ADAM28: variants seen among roughly 807,000 people sequenced by gnomAD.
The protein encoded by ADAM28 is disintegrin and metalloproteinase domain-containing protein 28.
A neutral mutation model predicts 101.2 loss-of-function variants in ADAM28; 105 were observed. The observed-to-expected ratio is 1.04, with a 90% CI of 0.89 to 1.22. The LOEUF (loss-of-function observed/expected upper bound fraction) is 1.22. Ranked by LOEUF, ADAM28 falls within the 50% of genes most tolerant of loss-of-function variation. The pLI is 0.00. For synonymous variants in ADAM28, 322 were observed against 310.6 expected, an observed-to-expected ratio of 1.04 and a Z score of -0.39; for missense variants, 1,028 against 945.4, an observed-to-expected ratio of 1.09 and a Z score of -1.15.
chr8:24,351,317 T>G lies in ADAM28; in HGVS notation c.2178+7T>G. ...GGCTGTTCAACCCCAAGAGGTGAAC[T>G]ATATAGTCTGGGCTGTGATTACCAT... On this transcript the variant is annotated splice_region_variant and intron_variant, in intron 20 of 22. Transcript: ENST00000265769. 2 of 1,612,714 alleles carry G rather than the reference T, an allele frequency of 1.2e-6. No individual in the cohort carries two copies. The highest frequency in any genetic ancestry group is 2.2e-5 in the South Asian group (2 of 91,064).
In ADAM28 at chr8:24,313,356, G is replaced by A. The variant is rs764699916; in HGVS notation, c.384-32G>A. On this transcript the variant is annotated intron_variant, in intron 5 of 22. Transcript: ENST00000265769. ...GTATGAACCTAATGCAACAATATTT[G>A]TTAAGAAGCCAGAACTCTCATGTTT... 11 of 1,570,040 alleles carry A rather than the reference G, an allele frequency of 7.0e-6. No homozygotes were observed. The Admixed American group carries it at 7.5e-5, about 11-fold the overall frequency.
chr8:24,298,504 G>A (rs1377765901), intron 1 of ADAM28, among the ~76,000 whole-genome samples: 1 of 152,116 alleles, frequency 6.6e-6, no homozygotes, highest in East Asian at 1.9e-4. Flanking sequence ...AGTGACTGGA[G>A]TAAGTGCACA....
intron 11 of ADAM28, 106 bp downstream of exon 11, chr8:24,330,221 T>G: frequency 7.3e-7 from 1 of 1,371,408 alleles, no homozygotes; most frequent in Non-Finnish European, 9.8e-7. Flanking sequence ...AGTTTTTGAG[T>G]CACTAAATGT....
intron 6 of ADAM28, among the ~76,000 whole-genome samples, chr8:24,315,333 A>G (rs1811023474): frequency 6.6e-6 from 1 of 152,002 alleles, no homozygotes; most frequent in Non-Finnish European, 1.5e-5. Context: ...TGGAGATATT[A>G]CAAAAGATGT....
In ADAM28 at chr8:24,311,341, C is replaced by T; in HGVS notation, c.307-20C>T. 1.3e-6 allele frequency: 2 copies of T among 1,597,054 alleles called. No homozygotes were observed. Among genetic ancestry groups the T allele is most frequent in the Non-Finnish European group, 1.7e-6 (2 of 1,171,784 alleles). ...TAAAATTCACATGTACTTCTCTTTA[C>T]AAAACCCCTTTTCCTTTAGGATGAT... On this transcript the variant is annotated intron_variant, in intron 4 of 22. Coordinates refer to ENST00000265769, the MANE Select transcript of ADAM28 (RefSeq NM_014265.6).
At chr8:24,341,855 C>A in intron 16 of ADAM28, 98 bp downstream of exon 16, 1 of 1,500,234 alleles carries the variant, frequency 6.7e-7, no homozygotes, top group Non-Finnish European at 9.1e-7. Context: ...CCTTGTTTCC[C>A]GATTTTGGGG....
chr8:24,335,375 G>C, intron 13 of ADAM28, 71 bp from the exon 14 acceptor site: 1 of 1,465,074 alleles, frequency 6.8e-7, no homozygotes. Flanking sequence ...GAAAATATTT[G>C]TGTTAATTTG....
At chr8:24,354,256 G>A in intron 22 of ADAM28, 128 bp from the exon 23 acceptor site, 1 of 787,696 alleles carries the variant, frequency 1.3e-6, no homozygotes, top group Non-Finnish European at 2.1e-6. Context: ...CGTTTTTGCT[G>A]TATCAAGTGA....
chr8:24,333,661 C>T (rs1436772546), intron 13 of ADAM28, among the ~76,000 whole-genome samples: 1 of 152,166 alleles, frequency 6.6e-6, no homozygotes, highest in African/African-American at 2.4e-5. Flanking sequence ...CTGATTGTAT[C>T]TCCCTTTAAC....
At chr8:24,335,765 T>G (rs1813955055) in intron 14 of ADAM28, 124 bp downstream of exon 14, 2 of 1,311,562 alleles carry the variant, frequency 1.5e-6, no homozygotes, top group Middle Eastern at 2.0e-4. Context: ...CTCAAAATCA[T>G]GGAAAGGTTT....
intron 10 of ADAM28, 55 bp downstream of exon 10, chr8:24,326,690 T>G (rs1405934417): frequency 1.3e-6 from 2 of 1,513,676 alleles, no homozygotes; most frequent in Non-Finnish European, 1.8e-6. Context: ...AAATGCTTTT[T>G]AAAAAATCTA....
At chr8:24,300,149 G>C in intron 2 of ADAM28, 72 bp downstream of exon 2, 23 of 1,213,298 alleles carry the variant, frequency 1.9e-5, no homozygotes, top group Non-Finnish European at 2.6e-5. Context: ...ATCTATCTAT[G>C]ATGAGAGATA....
intron 11 of ADAM28, among the ~76,000 whole-genome samples, chr8:24,330,852 G>A (rs1037394635): frequency 1.4e-4 from 22 of 152,068 alleles, no homozygotes; most frequent in African/African-American, 5.3e-4. Context: ...AAATATTTTG[G>A]TACCTTTAGG....
rs760932433 is a variant in ADAM28, at chr8:24,321,260, G to T, written c.691G>T (p.Val231Leu). The change falls in exon 8 of 23, where the codon GTA (valine) becomes TTA (leucine). Residue 231 changes from valine (V) to leucine (L), a missense_variant. Val to Leu is a conservative substitution (Grantham distance 32, BLOSUM62 1). Transcript: ENST00000265769. ...NENQDEIRKR[V>L]FEMANYVNML... ...GAATCAAGATGAGATCAGAAAGAGG[G>T]TATTTGAGATGGCTAATTATGTCAA... 2.2e-5 allele frequency: 36 copies of T among 1,607,834 alleles called. No individual in the cohort carries two copies. Among genetic ancestry groups the T allele is most frequent in the Non-Finnish European group, 3.0e-5 (35 of 1,174,960 alleles).
intron 4 of ADAM28, 166 bp downstream of exon 4, chr8:24,310,407 A>T (rs1299239434): frequency 1.5e-6 from 1 of 645,558 alleles, no homozygotes; most frequent in Non-Finnish European, 2.5e-6. Context: ...TGGAAAATCA[A>T]TTAACAAGAA....
In ADAM28 at chr8:24,335,612, A is replaced by C; in HGVS notation, c.1538A>C (p.Gln513Pro). The change falls in exon 14 of 23, where the codon CAG becomes CCG. Residue 513 changes from glutamine (Q) to proline (P), a missense_variant. By Grantham distance (76) the Gln-to-Pro change is moderately conservative (BLOSUM62 -1). Transcript: ENST00000265769. ...TTGATGGGGACATGCCCCACACTGC[A>C]GGAGCAGTGCACAGAGCTGTGGGGA... Reference protein sequence around the residue: ...HCLMGTCPTLQEQCTELWGPG... With the variant: ...HCLMGTCPTLPEQCTELWGPG... 1.2e-6 allele frequency: 2 copies of C among 1,612,836 alleles called. No individual in the cohort carries two copies. Among genetic ancestry groups the C allele is most frequent in the Admixed American group, 1.7e-5 (1 of 59,920 alleles).
At chr8:24,331,045 TG>T in intron 11 of ADAM28, 104 bp from the exon 12 acceptor site, 1 of 1,169,640 alleles carries the variant, frequency 8.5e-7, no homozygotes, top group Non-Finnish European at 1.2e-6. Flanking sequence ...GATTGGATTT[TG>T]TCTTTTGGGG....
At position 24,357,627 on chromosome 8, in the gene ADAM28, T is replaced by G. The variant is rs1816765719; in HGVS notation, c.*3223T>G. On this transcript the variant is annotated 3_prime_UTR_variant, in exon 23 of 23. Coordinates refer to ENST00000265769, the MANE Select transcript of ADAM28 (RefSeq NM_014265.6). ...CTCCCACCTGGTCCCTCCCTCAACA[T>G]GTGGAGATTATAGCAATTAAAAAAA... The G allele has an allele frequency of 6.6e-6, 1 of 152,064 alleles. No homozygotes were observed. The highest frequency in any genetic ancestry group is 2.1e-4 in the South Asian group (1 of 4,814). The allele number at this position is 152,064 out of a possible 1,614,324, so 9.4% of individuals were successfully genotyped here.
At chr8:24,345,028 CA>C (rs199510483) in intron 18 of ADAM28, among the ~76,000 whole-genome samples, 15,942 of 126,686 alleles carry the variant, frequency 0.13, 962 homozygotes, top group East Asian at 0.29. Flanking sequence ...TATTTAATGT[CA>C]AAAAAAAAAA....
Sources: allele counts gnomAD v4.1 joint callset (sites outside exome capture counted in the v4.1 genomes callset), GRCh38; gene constraint gnomAD v4.1.1; transcripts MANE v1.5; gene names NCBI Gene and HGNC (gene_info 2026-07-23, HGNC 2026-07-21).